Variants in KBTBD12 observed in about 807,000 individuals in gnomAD.
KBTBD12 encodes kelch repeat and BTB domain containing 12, also known as kelch repeat and BTB domain-containing protein 12.
A neutral mutation model predicts 58.7 loss-of-function variants in KBTBD12; 53 were observed. That is an observed-to-expected ratio of 0.90 (90% CI 0.72 to 1.14). The LOEUF is 1.14. KBTBD12 is among the 50% of genes most tolerant of loss of function. The pLI is 0.00. For synonymous variants in KBTBD12, 236 were observed against 259.8 expected, an observed-to-expected ratio of 0.91 and a Z score of 0.88; for missense variants, 704 against 751.3, an observed-to-expected ratio of 0.94 and a Z score of 0.74.
At chr3:127,964,470 T>TAAA (rs59832982) in intron 5 of KBTBD12, among the ~76,000 whole-genome samples, 1 of 142,228 alleles carries the variant, frequency 7.0e-6, no homozygotes, top group Non-Finnish European at 1.5e-5. Flanking sequence ...CATCTCTACT[T>TAAA]AAAAAAAAAA....
At chr3:127,979,957 T>A (rs532967707) in intron 5 of KBTBD12, among the ~76,000 whole-genome samples, 2 of 152,354 alleles carry the variant, frequency 1.3e-5, no homozygotes, top group African/African-American at 2.4e-5. Context: ...CAAGTGCACA[T>A]GCATGTACTA....
chr3:127,977,427 G>T (rs896267810), intron 5 of KBTBD12, among the ~76,000 whole-genome samples: 1 of 152,196 alleles, frequency 6.6e-6, no homozygotes, highest in Non-Finnish European at 1.5e-5. Context: ...TTCCACAATG[G>T]CTGAACTAGT....
chr3:127,916,215 G>A (rs1395167200), intron 1 of KBTBD12, among the ~76,000 whole-genome samples: 2 of 152,188 alleles, frequency 1.3e-5, no homozygotes, highest in Non-Finnish European at 2.9e-5. Context: ...CCATGTGCCT[G>A]GCTGTTACTG....
intron 4 of KBTBD12, among the ~76,000 whole-genome samples, chr3:127,933,751 C>A (rs1028647919): frequency 1.3e-5 from 2 of 152,166 alleles, no homozygotes; most frequent in African/African-American, 2.4e-5. Flanking sequence ...TGTTTGACTA[C>A]AACCACCAGT....
rs1576370249 is a variant in KBTBD12 at position 127,923,315 on chromosome 3, T to A, written c.254T>A (p.Leu85Ter). The A allele has an allele frequency of 1.2e-6, 2 of 1,613,836 alleles. No individual in the cohort carries two copies. Among genetic ancestry groups the A allele is most frequent in the East Asian group, 4.5e-5 (2 of 44,878 alleles). Residue 85 changes from leucine to a stop codon, truncating the protein, a stop_gained, in exon 2 of 6, where the codon TTA becomes TAA. Coordinates refer to ENST00000405109, the MANE Select transcript of KBTBD12 (RefSeq NM_207335.4). LOFTEE classifies it high-confidence loss of function. ...ATCACAGCAGAAAGTGTGTCGGTGT[T>A]ATTAAATTACATGTACAATGCAGCT... ...YDITAESVSVLLNYMYNAALE... is the reference protein window; with the variant it reads ...YDITAESVSV
intron 5 of KBTBD12, among the ~76,000 whole-genome samples, chr3:127,969,230 G>T (rs60782425): frequency 0.15 from 23,010 of 151,980 alleles, 1,956 homozygotes; most frequent in South Asian, 0.32. Flanking sequence ...TTCAACAAGG[G>T]TGCAGGACAT....
intron 4 of KBTBD12, among the ~76,000 whole-genome samples, chr3:127,958,487 C>T (rs1940364082): frequency 6.6e-6 from 1 of 152,138 alleles, no homozygotes; most frequent in Non-Finnish European, 1.5e-5. Flanking sequence ...GGCCCAGACT[C>T]GACTGAAAAT....
chr3:127,955,434 T>C (rs1031385748), intron 4 of KBTBD12, among the ~76,000 whole-genome samples: 7 of 152,216 alleles, frequency 4.6e-5, no homozygotes, highest in African/African-American at 1.7e-4. Context: ...ATAATTTTAA[T>C]GGTGAGTTAG....
intron 4 of KBTBD12, among the ~76,000 whole-genome samples, chr3:127,952,306 A>T (rs1462035101): frequency 1.3e-5 from 2 of 152,198 alleles, no homozygotes; most frequent in African/African-American, 4.8e-5. Flanking sequence ...AGTCATTAAG[A>T]GCATCAAAAA....
At chr3:127,925,456 T>A (rs1939547859) in intron 2 of KBTBD12, among the ~76,000 whole-genome samples, 2 of 152,188 alleles carry the variant, frequency 1.3e-5, no homozygotes, top group Non-Finnish European at 2.9e-5. Context: ...ACATAGTTTT[T>A]TTTCTTCCTC....
At chr3:127,931,941 A>G (rs191877529) in intron 4 of KBTBD12, among the ~76,000 whole-genome samples, 73 of 152,228 alleles carry the variant, frequency 4.8e-4, no homozygotes, top group African/African-American at 1.7e-3. Flanking sequence ...GCTGAGTAGT[A>G]AACTGAGAAG....
chr3:127,972,341 G>T (rs1363721801), intron 5 of KBTBD12, among the ~76,000 whole-genome samples: 2 of 152,136 alleles, frequency 1.3e-5, no homozygotes, highest in African/African-American at 4.8e-5. Context: ...AATCAAATCA[G>T]AATATTTGGT....
chr3:127,918,720 A>G (rs1005491655), intron 1 of KBTBD12, among the ~76,000 whole-genome samples: 1 of 151,910 alleles, frequency 6.6e-6, no homozygotes, highest in Admixed American at 6.6e-5. Context: ...TCAAAAAAAA[A>G]AAAAAGAAAA....
chr3:127,919,953 T>G (rs527923210), intron 1 of KBTBD12, among the ~76,000 whole-genome samples: 1 of 152,368 alleles, frequency 6.6e-6, no homozygotes, highest in East Asian at 1.9e-4. Context: ...AAGCATGTCT[T>G]GGATACCCAC....
intron 5 of KBTBD12, among the ~76,000 whole-genome samples, chr3:127,977,837 C>G (rs1940808897): frequency 6.6e-6 from 1 of 152,124 alleles, no homozygotes; most frequent in East Asian, 1.9e-4. Context: ...TTAATTAGAT[C>G]CCATTTGTCA....
chr3:127,928,882 A>G (rs1323890562), intron 3 of KBTBD12, among the ~76,000 whole-genome samples: 2 of 152,210 alleles, frequency 1.3e-5, no homozygotes, highest in Non-Finnish European at 2.9e-5. Flanking sequence ...CCATTTATAT[A>G]TAGTATATCA....
At chr3:127,973,277 G>A (rs181899300) in intron 5 of KBTBD12, among the ~76,000 whole-genome samples, 2 of 152,120 alleles carry the variant, frequency 1.3e-5, no homozygotes, top group Admixed American at 6.6e-5. Context: ...AATTCAGCTT[G>A]TGGGACATTC....
chr3:127,963,122 G>C (rs1436805180), intron 4 of KBTBD12, 67 bp from the exon 5 acceptor site: 2 of 1,333,300 alleles, frequency 1.5e-6, no homozygotes, highest in Non-Finnish European at 1.0e-6. Context: ...ACCATGCAGG[G>C]GGCAGTGCTG....
chr3:127,944,382 T>A (rs150611876), intron 4 of KBTBD12, among the ~76,000 whole-genome samples: 7 of 152,334 alleles, frequency 4.6e-5, no homozygotes, highest in African/African-American at 1.7e-4. Context: ...AAGTGTTCAG[T>A]GCAGAGATTA....
Sources: gnomAD v4.1 joint callset for allele counts (sites outside exome capture counted in the v4.1 genomes callset) on GRCh38, gnomAD v4.1.1 for gene constraint, MANE v1.5 for transcripts, NCBI Gene and HGNC (gene_info 2026-07-23, HGNC 2026-07-21) for gene names.